FGFR2: variants seen among roughly 807,000 people sequenced by gnomAD.
FGFR2 encodes the protein fibroblast growth factor receptor 2.
FGFR2 carries 19 observed loss-of-function variants against 95.9 expected under a neutral mutation model. The observed-to-expected ratio is 0.20, with a 90% CI of 0.14 to 0.29. The LOEUF is 0.29. Ranked by LOEUF, FGFR2 falls within the 10% of genes least tolerant of loss-of-function variation. The pLI is 1.00. For synonymous variants in FGFR2, 392 were observed against 393.3 expected, an observed-to-expected ratio of 1.00 and a Z score of 0.04; for missense variants, 707 against 1,056.9, an observed-to-expected ratio of 0.67 and a Z score of 4.59.
intron 15 of FGFR2, among the ~76,000 whole-genome samples, chr10:121,486,701 A>T (rs2133815458): frequency 6.6e-6 from 1 of 152,276 alleles, no homozygotes; most frequent in East Asian, 1.9e-4. Flanking sequence ...TGCCCTCCCA[A>T]AGTGCTGGGA....
At chr10:121,511,670 A>G (rs1351626420) in intron 9 of FGFR2, among the ~76,000 whole-genome samples, 1 of 152,158 alleles carries the variant, frequency 6.6e-6, no homozygotes, top group African/African-American at 2.4e-5. Flanking sequence ...ACGGTGCCCA[A>G]GCCCTGACAC....
chr10:121,572,273 G>C (rs957616383), intron 2 of FGFR2, among the ~76,000 whole-genome samples: 1 of 151,908 alleles, frequency 6.6e-6, no homozygotes, highest in African/African-American at 2.4e-5. Context: ...AGCTATGATC[G>C]CGCCACTGCA....
chr10:121,504,024 T>C (rs1419821549), intron 9 of FGFR2, 83 bp from the exon 10 acceptor site: 2 of 1,543,178 alleles, frequency 1.3e-6, no homozygotes, highest in Middle Eastern at 2.0e-4. Context: ...AGCCAGAGTA[T>C]CGAATCTTAG....
intron 2 of FGFR2, among the ~76,000 whole-genome samples, 170 bp downstream of exon 2, chr10:121,593,539 A>G (rs1212362199): frequency 6.6e-6 from 1 of 152,150 alleles, no homozygotes; most frequent in Non-Finnish European, 1.5e-5. Context: ...TGCTGCGGCA[A>G]AGGACCTTCT....
chr10:121,549,715 C>T (rs949954872), intron 5 of FGFR2, among the ~76,000 whole-genome samples: 1 of 152,138 alleles, frequency 6.6e-6, no homozygotes, highest in Non-Finnish European at 1.5e-5. Context: ...AGTGGGCAGC[C>T]CCCAGCCAAC....
rs562090437 is a variant in FGFR2 at position 121,478,800 on chromosome 10, G to A, written c.*1057C>T. On this transcript the variant is annotated 3_prime_UTR_variant, in exon 18 of 18. Transcript: ENST00000358487. Reference sequence around the variant, plus strand: ...GCTAATCTGATTAATGTGCAACTCAGAAGCAGAAGGCCAGCTGCCAGAGAG... The same window carrying A: ...GCTAATCTGATTAATGTGCAACTCAAAAGCAGAAGGCCAGCTGCCAGAGAG... The A allele has an allele frequency of 8.6e-6, 2 of 233,666 alleles. No individual in the cohort carries two copies. Among genetic ancestry groups the A allele is most frequent in the South Asian group, 3.6e-4 (2 of 5,534 alleles). The allele number at this position is 233,666 out of a possible 1,614,324, so 14.5% of individuals were successfully genotyped here.
chr10:121,519,819 G>C, intron 7 of FGFR2, 160 bp downstream of exon 7: 1 of 657,584 alleles, frequency 1.5e-6, no homozygotes, highest in Non-Finnish European at 2.6e-6. Flanking sequence ...AATTCTACTA[G>C]CAAGTGTAAT....
At chr10:121,561,520 A>G (rs1856969955) in intron 4 of FGFR2, among the ~76,000 whole-genome samples, 1 of 152,168 alleles carries the variant, frequency 6.6e-6, no homozygotes, top group Non-Finnish European at 1.5e-5. Flanking sequence ...ATCCACACAC[A>G]CACCTTACAT....
chr10:121,536,993 T>C (rs1034050973), intron 6 of FGFR2, among the ~76,000 whole-genome samples: 15 of 152,264 alleles, frequency 9.9e-5, no homozygotes, highest in African/African-American at 3.6e-4. Context: ...CCAAGTCATA[T>C]GCTCTTTGAT....
chr10:121,486,661 T>C (rs1845447219), intron 15 of FGFR2, among the ~76,000 whole-genome samples: 1 of 152,164 alleles, frequency 6.6e-6, no homozygotes, highest in African/African-American at 2.4e-5. Flanking sequence ...AGGATGGCCT[T>C]GATCTCCTGA....
chr10:121,590,146 C>T (rs1862426114), intron 2 of FGFR2, among the ~76,000 whole-genome samples: 1 of 152,084 alleles, frequency 6.6e-6, no homozygotes, highest in Admixed American at 6.6e-5. Flanking sequence ...AATTGCTACA[C>T]AAACTACATT....
chr10:121,565,648 C>T lies in FGFR2; in HGVS notation c.166G>A (p.Glu56Lys), dbSNP rs1590013421. The change falls in exon 3 of 18, where the codon GAG (glutamate) becomes AAG (lysine). Residue 56 changes from glutamate to lysine, a missense_variant. Physicochemically the swap from Glu to Lys is moderately conservative, Grantham distance 56. Transcript: ENST00000358487. ...QPEVYVAAPG[E>K]SLEVRCLLKD... is the part of the protein sequence containing the mutation. ...AACAGGCAGCGCACCTCTAGCGACT[C>T]CCCTGGCGCAGCCACGTACACTTCT... is the stretch of plus-strand genomic sequence containing the variant. The T allele has an allele frequency of 1.2e-6, 2 of 1,614,212 alleles. No individual in the cohort carries two copies. Among genetic ancestry groups the T allele is most frequent in the South Asian group, 1.1e-5 (1 of 91,082 alleles).
At chr10:121,519,233 A>G (rs1026094442) in intron 7 of FGFR2, among the ~76,000 whole-genome samples, 2 of 152,202 alleles carry the variant, frequency 1.3e-5, no homozygotes, top group African/African-American at 4.8e-5. Flanking sequence ...GAGGCGTGGT[A>G]GGCAAGGAGT....
rs771667518 is a variant in FGFR2, at chr10:121,518,013, A to G, written c.940-550T>C. ...TCTGCGATACCATCTTGCCCTACAT[A>G]GCATTGACAAAAAGAAATGGAAGCA... is the stretch of plus-strand genomic sequence containing the variant. On this transcript the variant is annotated intron_variant, in intron 7 of 17. Transcript: ENST00000358487. This position sits in a 1 kb window ranked among gnomAD's most constrained non-coding sequence, Gnocchi z 4.0. The G allele has an allele frequency of 3.7e-5, 18 of 489,294 alleles. No homozygotes were observed. Among genetic ancestry groups the G allele is most frequent in the African/African-American group, 3.6e-4 (18 of 50,162 alleles). The allele number at this position is 489,294 out of a possible 1,614,324, so 30.3% of individuals were successfully genotyped here. A position where few individuals can be genotyped will look rare whatever the true frequency, so the allele number is the denominator to read the frequency against.
chr10:121,570,456 C>G (rs959698300), intron 2 of FGFR2, among the ~76,000 whole-genome samples: 1 of 152,252 alleles, frequency 6.6e-6, no homozygotes, highest in Admixed American at 6.5e-5. Context: ...CTCCACCAGG[C>G]TGCACAGCCT....
chr10:121,572,441 T>C (rs1223910614), intron 2 of FGFR2, among the ~76,000 whole-genome samples: 1 of 151,970 alleles, frequency 6.6e-6, no homozygotes, highest in Non-Finnish European at 1.5e-5. Flanking sequence ...ACCAACATGG[T>C]GAAACCCATC....
At chr10:121,564,197 T>C in intron 4 of FGFR2, 1 of 439,328 alleles carries the variant, frequency 2.3e-6, no homozygotes, top group Non-Finnish European at 4.2e-6. Flanking sequence ...ATGGTTCTAC[T>C]ATTCTTATGT....
At position 121,564,492 on chromosome 10, in the gene FGFR2, A is replaced by G. The variant is rs749516510; in HGVS notation, c.454+10T>C. On this transcript the variant is annotated intron_variant, in intron 4 of 17. Coordinates refer to ENST00000358487, the MANE Select transcript of FGFR2 (RefSeq NM_000141.5). ...CTCTCGGGGACCATCGGAGCCGGGC[A>G]GTTACTTACTCTTGTTGTTACTGTT... The G allele has an allele frequency of 6.2e-7, 1 of 1,612,968 alleles. No homozygotes were observed. Among genetic ancestry groups the G allele is most frequent in the South Asian group, 1.1e-5 (1 of 91,042 alleles).
rs539894633 is a variant in FGFR2, at chr10:121,508,008, C to T, written c.1288-4067G>A. Among the ~76,000 whole-genome samples the T allele has an allele frequency of 2.0e-5, 3 of 152,230 alleles. No individual in the cohort carries two copies. In the South Asian group the frequency reaches 6.2e-4, roughly 32 times the overall value. On this transcript the variant is annotated intron_variant, in intron 9 of 17. Transcript: ENST00000358487. ...ACAACTATTTACATAGCATTTACAA[C>T]GCGTTAGTTATTACAGGTATCACTA... is the stretch of plus-strand genomic sequence containing the variant.
Sources: gnomAD v4.1 joint callset for allele counts (sites outside exome capture counted in the v4.1 genomes callset) on GRCh38, gnomAD v4.1.1 for gene constraint, Gnocchi (gnomAD v3.1) non-coding constraint, MANE v1.5 for transcripts, NCBI Gene and HGNC (gene_info 2026-07-23, HGNC 2026-07-21) for gene names.